RBFOX3: variants seen among roughly 807,000 people sequenced by gnomAD.
RBFOX3 encodes the protein RNA binding protein fox-1 homolog 3.
Under a neutral mutation model 48.7 loss-of-function variants are expected in RBFOX3, and 17 were observed. The observed-to-expected ratio is 0.35, with a 90% confidence interval of 0.24 to 0.52. RBFOX3 has a LOEUF of 0.52. Ranked by LOEUF, RBFOX3 falls within the 20% of genes least tolerant of loss-of-function variation. The probability of loss-of-function intolerance (pLI) is 0.94; values close to 1 mark genes in which losing one functional copy is unlikely to be tolerated. For missense variants in RBFOX3, 382 were observed against 497.5 expected, an observed-to-expected ratio of 0.77 and a Z score of 2.21; for synonymous variants, 212 against 209.5, an observed-to-expected ratio of 1.01 and a Z score of -0.10.
Position 79,195,346 on chromosome 17 carries a change from G to T in RBFOX3, c.-34+40420C>A, listed in dbSNP as rs912366241. ...GAACCCAGGAGGCAGAGGTTGCAGTGAGTTGACATTGCACCACTGCACTCC... is the reference window on the plus strand; with the variant it reads ...GAACCCAGGAGGCAGAGGTTGCAGTTAGTTGACATTGCACCACTGCACTCC... On this transcript the variant is annotated intron_variant, in intron 4 of 14. Transcript: ENST00000693108. This position sits in a 1 kb window ranked among gnomAD's most constrained non-coding sequence, Gnocchi z 5.3. 6.6e-6 allele frequency among the ~76,000 whole-genome samples: 1 copy of T among 152,038 alleles called. No individual in the cohort carries two copies. Among genetic ancestry groups the T allele is most frequent in the Non-Finnish European group, 1.5e-5 (1 of 68,016 alleles).
chr17:79,520,663 G>A (rs942051516), intron 1 of RBFOX3, among the ~76,000 whole-genome samples: 38 of 152,210 alleles, frequency 2.5e-4, no homozygotes, highest in Non-Finnish European at 4.0e-4. Context: ...GGGGACAGCC[G>A]GCGCCACCCT....
At chr17:79,106,543 C>A in intron 6 of RBFOX3, 108 bp downstream of exon 6, 1 of 1,335,574 alleles carries the variant, frequency 7.5e-7, no homozygotes. Flanking sequence ...CAGTGGGAGG[C>A]AGGAAACCCG....
In RBFOX3 at chr17:79,311,068, G is replaced by C. The variant is rs1870013347; in HGVS notation, c.-174-3244C>G. Among the ~76,000 whole-genome samples, 1 of 152,140 alleles carries C rather than the reference G, an allele frequency of 6.6e-6. No homozygotes were observed. Among genetic ancestry groups the C allele is most frequent in the Non-Finnish European group, 1.5e-5 (1 of 68,030 alleles). ...TGGGCTTCATCCAGTCAGTCGAAAG[G>C]CTTCATCCGGTCAGTTAAAAGGCCT... is the stretch of plus-strand genomic sequence containing the variant. On this transcript the variant is annotated intron_variant, in intron 2 of 14. Coordinates refer to ENST00000693108, the MANE Select transcript of RBFOX3 (RefSeq NM_001350451.2). This position sits in a 1 kb window ranked among gnomAD's most constrained non-coding sequence, Gnocchi z 4.2.
rs566207831 is a variant in RBFOX3 at position 79,104,576 on chromosome 17, C to A, written c.361-450G>T. ...TGGGGATAGGGTACCCAAGGCATGA[C>A]TGCCCCACCCCTAATTCACACTAAA... On this transcript the variant is annotated intron_variant, in intron 6 of 14. Transcript: ENST00000693108. Among the ~76,000 whole-genome samples, 10 of 152,332 alleles carry A rather than the reference C, an allele frequency of 6.6e-5. No individual in the cohort carries two copies. The South Asian group carries it at 2.1e-3, about 32-fold the overall frequency.
chr17:79,515,270 C>A (rs1599015679), intron 1 of RBFOX3, among the ~76,000 whole-genome samples: 1 of 152,188 alleles, frequency 6.6e-6, no homozygotes, highest in African/African-American at 2.4e-5. Flanking sequence ...CAGGCCAGGT[C>A]ACCTCATAGC....
intron 4 of RBFOX3, among the ~76,000 whole-genome samples, chr17:79,147,498 T>C (rs576957828): frequency 3.7e-4 from 56 of 152,242 alleles, no homozygotes; most frequent in African/African-American, 1.3e-3. Context: ...CCTGGGGAGT[T>C]CCCTGCTGCC....
In RBFOX3 at chr17:79,362,326, C is replaced by T. The variant is rs2086518491; in HGVS notation, c.-174-54502G>A. 6.6e-6 allele frequency among the ~76,000 whole-genome samples: 1 copy of T among 152,220 alleles called. No homozygotes were observed. The highest frequency in any genetic ancestry group is 6.5e-5 in the Admixed American group (1 of 15,290). ...AGAATCCCGGCCCTTCAGGGCTTGG[C>T]TGAGATCCCCGGCCAGCGTCTGCGT... On this transcript the variant is annotated intron_variant, in intron 2 of 14. Coordinates refer to ENST00000693108, the MANE Select transcript of RBFOX3 (RefSeq NM_001350451.2). This position sits in a 1 kb window ranked among gnomAD's most constrained non-coding sequence, Gnocchi z 4.2.
At chr17:79,106,265 C>T (rs1195119453) in intron 6 of RBFOX3, among the ~76,000 whole-genome samples, 1 of 152,142 alleles carries the variant, frequency 6.6e-6, no homozygotes, top group Non-Finnish European at 1.5e-5. Context: ...AGACAGGAGC[C>T]AGAATGTGGG....
intron 1 of RBFOX3, among the ~76,000 whole-genome samples, chr17:79,589,122 G>A (rs2093344482): frequency 1.3e-5 from 2 of 152,246 alleles, no homozygotes; most frequent in Admixed American, 1.3e-4. Context: ...GGGAACTTAA[G>A]GAACTGCCTG....
intron 1 of RBFOX3, among the ~76,000 whole-genome samples, chr17:79,523,763 A>G (rs1485380740): frequency 5.9e-5 from 9 of 152,238 alleles, no homozygotes; most frequent in Non-Finnish European, 1.2e-4. Context: ...CAAATTAAAC[A>G]CAAGGTGATA....
intron 1 of RBFOX3, among the ~76,000 whole-genome samples, chr17:79,528,586 T>A (rs927167519): frequency 2.0e-5 from 3 of 151,920 alleles, no homozygotes; most frequent in African/African-American, 4.8e-5. Context: ...AAGTTGGAAG[T>A]TAAGATGAGG....
rs1043986849 is a variant in RBFOX3 at position 79,264,964 on chromosome 17, G to GA, written c.-73-29160dup. ...CCCTTGGAGACCCTCAGTGCGAGAG[G>GA]AGGGGGGGGGGGCGCAGATTTGTGG... is the stretch of plus-strand genomic sequence containing the variant. On this transcript the variant is annotated intron_variant, in intron 3 of 14. Coordinates refer to ENST00000693108, the MANE Select transcript of RBFOX3 (RefSeq NM_001350451.2). Among the ~76,000 whole-genome samples, 138 of 138,834 alleles carry GA rather than the reference G, an allele frequency of 9.9e-4. 1 individual carries two copies. The highest frequency in any genetic ancestry group is 3.4e-3 in the African/African-American group (124 of 36,278). The allele number at this position is 138,834 out of a possible 152,430, so 91.1% of individuals were successfully genotyped here.
chr17:79,656,881 G>A, the RBFOX3 span, among the ~76,000 whole-genome samples: 6 of 142,436 alleles, frequency 4.2e-5, no homozygotes, highest in African/African-American at 1.6e-4. Flanking sequence ...GGGAAGGAAG[G>A]AAGGAAGGAA....
At chr17:79,511,371 C>T (rs1568364216) in intron 1 of RBFOX3, among the ~76,000 whole-genome samples, 1 of 152,130 alleles carries the variant, frequency 6.6e-6, no homozygotes, top group Admixed American at 6.5e-5. Flanking sequence ...TGTGTCGGGG[C>T]TGGGGACACA....
intron 4 of RBFOX3, among the ~76,000 whole-genome samples, chr17:79,221,953 C>G (rs542062361): frequency 6.6e-6 from 1 of 152,248 alleles, no homozygotes; most frequent in South Asian, 2.1e-4. Flanking sequence ...ATATGAGTTG[C>G]TCATGTTGCA....
At chr17:79,620,655 G>GCA in the RBFOX3 span, among the ~76,000 whole-genome samples, 23 of 2,528 alleles carry the variant, frequency 9.1e-3, no homozygotes, top group Admixed American at 0.058. Context: ...ACACGGACAT[G>GCA]CACACACGCA....
intron 4 of RBFOX3, among the ~76,000 whole-genome samples, chr17:79,164,127 G>C (rs2047519856): frequency 6.6e-6 from 1 of 152,182 alleles, no homozygotes; most frequent in Non-Finnish European, 1.5e-5. Context: ...GTTTGGGATG[G>C]GGGAGGGAAA....
intron 2 of RBFOX3, among the ~76,000 whole-genome samples, chr17:79,330,523 T>C (rs1159405834): frequency 6.6e-6 from 1 of 152,038 alleles, no homozygotes; most frequent in Non-Finnish European, 1.5e-5. Flanking sequence ...GACGAGGGGA[T>C]ATTCAGGTTC....
At chr17:79,575,116 A>ATGG (rs1276078254) in intron 1 of RBFOX3, among the ~76,000 whole-genome samples, 3 of 152,212 alleles carry the variant, frequency 2.0e-5, no homozygotes, top group Non-Finnish European at 4.4e-5. Flanking sequence ...GGGGCTGTGA[A>ATGG]GCCCCCCAGG....
Sources: allele counts gnomAD v4.1 joint callset (sites outside exome capture counted in the v4.1 genomes callset), GRCh38; gene constraint gnomAD v4.1.1; non-coding constraint Gnocchi (gnomAD v3.1); transcripts MANE v1.5; gene names NCBI Gene and HGNC (gene_info 2026-07-23, HGNC 2026-07-21).